RSF1: variants seen among roughly 807,000 people sequenced by gnomAD.
RSF1 encodes remodeling and spacing factor 1.
In RSF1, 13 loss-of-function variants were observed where a neutral mutation model predicts 145.2. The ratio of observed to expected loss-of-function variants is 0.09; its 90% confidence interval spans 0.06 to 0.14. The LOEUF is 0.14. Among genes scored for constraint, RSF1 ranks in the 10% least tolerant of loss-of-function variants. The pLI is 1.00. For missense variants in RSF1, 1,517 were observed against 1,718.2 expected, an observed-to-expected ratio of 0.88 and a Z score of 2.07; for synonymous variants, 577 against 592.6, an observed-to-expected ratio of 0.97 and a Z score of 0.38.
intron 1 of RSF1, among the ~76,000 whole-genome samples, chr11:77,803,236 C>G (rs578003636): frequency 6.6e-6 from 1 of 152,226 alleles, no homozygotes; most frequent in Admixed American, 6.5e-5. Flanking sequence ...GAGCCTCCAC[C>G]TCCTGGGCTC....
chr11:77,684,566 G>GT (rs1959953199), intron 10 of RSF1, among the ~76,000 whole-genome samples: 2 of 152,320 alleles, frequency 1.3e-5, no homozygotes, highest in Non-Finnish European at 2.9e-5. Context: ...GGTAAAAGCT[G>GT]TAAGTTTAGT....
chr11:77,734,513 CAA>C (rs1961289827), intron 4 of RSF1: 7 of 1,587,920 alleles, frequency 4.4e-6, no homozygotes, highest in East Asian at 2.2e-5. Context: ...GTGTGCTTGT[CAA>C]AGAGATATTC....
intron 4 of RSF1, among the ~76,000 whole-genome samples, chr11:77,738,054 G>C (rs919046295): frequency 6.6e-6 from 1 of 152,204 alleles, no homozygotes; most frequent in Non-Finnish European, 1.5e-5. Context: ...GCGTGAACCC[G>C]GAAGGCGGAG....
intron 4 of RSF1, among the ~76,000 whole-genome samples, chr11:77,732,762 C>A (rs1961239191): frequency 6.6e-6 from 1 of 152,232 alleles, no homozygotes; most frequent in Admixed American, 6.5e-5. Flanking sequence ...GCCTGCCCAG[C>A]CACATGGAAC....
At chr11:77,776,767 T>C (rs1727802104) in intron 1 of RSF1, among the ~76,000 whole-genome samples, 1 of 152,178 alleles carries the variant, frequency 6.6e-6, no homozygotes, top group African/African-American at 2.4e-5. Flanking sequence ...GATTTTTAAG[T>C]ACAATCAAAT....
chr11:77,863,080 GGC>G, the RSF1 span, among the ~76,000 whole-genome samples: 5 of 152,062 alleles, frequency 3.3e-5, no homozygotes, highest in East Asian at 9.7e-4. Context: ...AAGGGTGCTT[GGC>G]CTCACGGATT....
the RSF1 span, among the ~76,000 whole-genome samples, chr11:77,833,009 A>ATT: frequency 0.21 from 12,661 of 59,846 alleles, 2,653 homozygotes; most frequent in Non-Finnish European, 0.22. Flanking sequence ...ATATATATAT[A>ATT]TTTTTTTTTT....
At chr11:77,687,956 G>T (rs1025887273) in intron 9 of RSF1, among the ~76,000 whole-genome samples, 1 of 152,164 alleles carries the variant, frequency 6.6e-6, no homozygotes, top group African/African-American at 2.4e-5. Context: ...GAATAAGCAG[G>T]TAAGAAATTC....
At chr11:77,826,689 A>G in the RSF1 span, among the ~76,000 whole-genome samples, 1 of 152,220 alleles carries the variant, frequency 6.6e-6, no homozygotes, top group Non-Finnish European at 1.5e-5. Flanking sequence ...ACCAGACCCT[A>G]TAACTGTATG....
chr11:77,849,417 T>A, the RSF1 span, among the ~76,000 whole-genome samples: 1 of 152,134 alleles, frequency 6.6e-6, no homozygotes, highest in Non-Finnish European at 1.5e-5. Context: ...TAAAGATGGC[T>A]TTCACCATGT....
chr11:77,669,446 A>G lies in RSF1; in HGVS notation c.3752-1955T>C, dbSNP rs530266273. Among the ~76,000 whole-genome samples the G allele has an allele frequency of 4.6e-5, 7 of 152,322 alleles. No individual in the cohort carries two copies. In the South Asian group the frequency reaches 1.0e-3, roughly 23 times the overall value. On this transcript the variant is annotated intron_variant, in intron 15 of 15. Coordinates refer to ENST00000308488, the MANE Select transcript of RSF1 (RefSeq NM_016578.4). ...GAATACTCATCTGTGCTTTGGCCCAAATGTTTCTCACCTTACACAAAATAA... is the reference window on the plus strand; with the variant it reads ...GAATACTCATCTGTGCTTTGGCCCAGATGTTTCTCACCTTACACAAAATAA...
intron 1 of RSF1, among the ~76,000 whole-genome samples, chr11:77,797,792 C>T (rs1743792608): frequency 6.6e-6 from 1 of 152,058 alleles, no homozygotes; most frequent in South Asian, 2.1e-4. Flanking sequence ...CCAGAATCTA[C>T]AACAAACTTA....
intron 1 of RSF1, among the ~76,000 whole-genome samples, chr11:77,805,548 T>C (rs1020620436): frequency 7.9e-5 from 12 of 152,138 alleles, no homozygotes; most frequent in Non-Finnish European, 1.6e-4. Context: ...TTAATTAAAG[T>C]TAATTTTAAT....
intron 1 of RSF1, among the ~76,000 whole-genome samples, chr11:77,808,061 C>T (rs941815770): frequency 1.3e-5 from 2 of 152,076 alleles, no homozygotes; most frequent in South Asian, 4.1e-4. Context: ...AGGCTGGGTG[C>T]GGTGGCTCAC....
At chr11:77,735,812 TC>T (rs1308255628) in intron 4 of RSF1, among the ~76,000 whole-genome samples, 1 of 152,220 alleles carries the variant, frequency 6.6e-6, no homozygotes, top group East Asian at 1.9e-4. Context: ...CAATCTTGGC[TC>T]ACTGCAACCT....
intron 12 of RSF1, 133 bp downstream of exon 12, chr11:77,677,953 C>T (rs1249356093): frequency 1.4e-5 from 8 of 590,462 alleles, no homozygotes; most frequent in Admixed American, 2.4e-5. Flanking sequence ...AAATCTGAGA[C>T]AACTAACATC....
At chr11:77,804,106 C>G (rs1375194163) in intron 1 of RSF1, among the ~76,000 whole-genome samples, 1 of 152,166 alleles carries the variant, frequency 6.6e-6, no homozygotes, top group East Asian at 1.9e-4. Context: ...TGAGCAGTTT[C>G]CTGACTGGTG....
At chr11:77,738,000 G>T (rs1348681815) in intron 4 of RSF1, among the ~76,000 whole-genome samples, 1 of 152,036 alleles carries the variant, frequency 6.6e-6, no homozygotes, top group African/African-American at 2.4e-5. Flanking sequence ...ATGGTGGCGG[G>T]TGCCTGTAGT....
At chr11:77,696,081 A>C (rs138645193) in intron 7 of RSF1, among the ~76,000 whole-genome samples, 1 of 152,220 alleles carries the variant, frequency 6.6e-6, no homozygotes. Context: ...CTTCCGGTAT[A>C]CAGTTGATTA....
Sources: allele counts gnomAD v4.1 joint callset (sites outside exome capture counted in the v4.1 genomes callset), GRCh38; gene constraint gnomAD v4.1.1; transcripts MANE v1.5; gene names NCBI Gene and HGNC (gene_info 2026-07-23, HGNC 2026-07-21).